TRIM71: variants seen among roughly 807,000 people sequenced by gnomAD.
TRIM71 encodes tripartite motif containing 71.
In TRIM71, 9 loss-of-function variants were observed where a neutral mutation model predicts 61.2. The ratio of observed to expected loss-of-function variants is 0.15; its 90% CI spans 0.09 to 0.26. TRIM71 has a LOEUF of 0.26. Ranked by LOEUF, TRIM71 falls within the 10% of genes least tolerant of loss-of-function variation. The probability of loss-of-function intolerance (pLI) is 1.00; values close to 1 mark genes in which losing one functional copy is unlikely to be tolerated. For missense variants in TRIM71, 998 were observed against 1,238.7 expected, an observed-to-expected ratio of 0.81 and a Z score of 2.92; for synonymous variants, 645 against 553.2, an observed-to-expected ratio of 1.17 and a Z score of -2.33.
At chr3:32,871,228 G>A (rs1240238416) in intron 1 of TRIM71, among the ~76,000 whole-genome samples, 1 of 152,128 alleles carries the variant, frequency 6.6e-6, no homozygotes, top group African/African-American at 2.4e-5. Context: ...TTGGACAGAT[G>A]GTTCCATAGC....
At chr3:32,841,591 G>C (rs2030274) in intron 1 of TRIM71, among the ~76,000 whole-genome samples, 144,323 of 152,170 alleles carry the variant, frequency 0.95, 68,637 homozygotes, top group Non-Finnish European at 0.99. Context: ...GCACTCCAGC[G>C]TGGGCCACGA....
chr3:32,873,680 G>C, intron 1 of TRIM71, 138 bp from the exon 2 acceptor site: 5 of 724,314 alleles, frequency 6.9e-6, no homozygotes, highest in Non-Finnish European at 1.1e-5. Flanking sequence ...CGCCACTGCT[G>C]CCTCTCCCTT....
At chr3:32,845,252 G>C (rs79481606) in intron 1 of TRIM71, among the ~76,000 whole-genome samples, 1 of 152,330 alleles carries the variant, frequency 6.6e-6, no homozygotes, top group East Asian at 1.9e-4. Flanking sequence ...GACCATGCCA[G>C]GGCTTCCATT....
intron 3 of TRIM71, among the ~76,000 whole-genome samples, chr3:32,886,850 G>A (rs1049699848): frequency 3.9e-5 from 6 of 152,164 alleles, no homozygotes; most frequent in Non-Finnish European, 7.3e-5. Flanking sequence ...GTTCTGCAAG[G>A]TGTCCCTGGA....
At chr3:32,840,987 C>T (rs1292237511) in intron 1 of TRIM71, among the ~76,000 whole-genome samples, 2 of 152,176 alleles carry the variant, frequency 1.3e-5, no homozygotes, top group Non-Finnish European at 2.9e-5. Flanking sequence ...TGGCTCACGC[C>T]TGTAATCCCA....
At chr3:32,881,149 G>T (rs2125690891) in intron 2 of TRIM71, among the ~76,000 whole-genome samples, 1 of 152,142 alleles carries the variant, frequency 6.6e-6, no homozygotes, top group South Asian at 2.1e-4. Flanking sequence ...CTCCTGAGTA[G>T]TTGGGATTAC....
chr3:32,833,528 C>T (rs565951493), intron 1 of TRIM71, among the ~76,000 whole-genome samples: 6 of 152,036 alleles, frequency 3.9e-5, no homozygotes, highest in Admixed American at 2.6e-4. Flanking sequence ...TTGGAACCCC[C>T]GGCTATCTCC....
intron 1 of TRIM71, among the ~76,000 whole-genome samples, chr3:32,865,074 A>G (rs1206065443): frequency 6.6e-6 from 1 of 152,108 alleles, no homozygotes; most frequent in Non-Finnish European, 1.5e-5. Context: ...TCACGCCTGT[A>G]ATTCCAGCAC....
At chr3:32,889,439 A>G (rs1049167310) in intron 3 of TRIM71, among the ~76,000 whole-genome samples, 4 of 152,038 alleles carry the variant, frequency 2.6e-5, no homozygotes, top group Non-Finnish European at 4.4e-5. Flanking sequence ...CACTGTGCCC[A>G]GCTCTAGATG....
chr3:32,864,302 T>C (rs993763663), intron 1 of TRIM71, among the ~76,000 whole-genome samples: 31 of 152,192 alleles, frequency 2.0e-4, no homozygotes, highest in African/African-American at 7.2e-4. Flanking sequence ...GAGTATTGTG[T>C]AGTGTAACTT....
chr3:32,865,458 G>T (rs1472378244), intron 1 of TRIM71, among the ~76,000 whole-genome samples: 1 of 152,206 alleles, frequency 6.6e-6, no homozygotes, highest in African/African-American at 2.4e-5. Context: ...TGATGGCTGT[G>T]TGGGTTGGGC....
At chr3:32,840,836 G>A (rs1343532567) in intron 1 of TRIM71, among the ~76,000 whole-genome samples, 1 of 152,220 alleles carries the variant, frequency 6.6e-6, no homozygotes, top group Non-Finnish European at 1.5e-5. Context: ...AGCTGGGGGT[G>A]CAAGGGGGCA....
At chr3:32,862,340 T>G (rs774543672) in intron 1 of TRIM71, among the ~76,000 whole-genome samples, 16 of 152,202 alleles carry the variant, frequency 1.1e-4, no homozygotes, top group Non-Finnish European at 1.8e-4. Context: ...TATTTCTGCT[T>G]CTCTTCTCAG....
intron 2 of TRIM71, among the ~76,000 whole-genome samples, chr3:32,880,276 G>A (rs28693765): frequency 0.037 from 5,605 of 151,932 alleles, 166 homozygotes; most frequent in African/African-American, 0.074. Context: ...TGATCTATCC[G>A]CTTCCACCTC....
intron 1 of TRIM71, among the ~76,000 whole-genome samples, chr3:32,844,304 G>T (rs1696445909): frequency 6.6e-6 from 1 of 152,166 alleles, no homozygotes; most frequent in African/African-American, 2.4e-5. Flanking sequence ...GTTGCCCTAG[G>T]AGGAAGAGGG....
At chr3:32,866,933 A>G (rs1185234989) in intron 1 of TRIM71, among the ~76,000 whole-genome samples, 1 of 152,158 alleles carries the variant, frequency 6.6e-6, no homozygotes, top group Non-Finnish European at 1.5e-5. Context: ...TTTTGGAGTC[A>G]CATAAAAACT....
At chr3:32,836,893 A>T (rs1442938823) in intron 1 of TRIM71, among the ~76,000 whole-genome samples, 1 of 152,212 alleles carries the variant, frequency 6.6e-6, no homozygotes, top group Non-Finnish European at 1.5e-5. Context: ...CACAGCAGAC[A>T]AGTGATGATG....
chr3:32,877,930 G>A (rs1696867645), intron 2 of TRIM71, among the ~76,000 whole-genome samples: 1 of 152,022 alleles, frequency 6.6e-6, no homozygotes, highest in Non-Finnish European at 1.5e-5. Context: ...TATGAATCAC[G>A]AATGCTCTTT....
intron 1 of TRIM71, 123 bp downstream of exon 1, chr3:32,819,055 T>C (rs971271261): frequency 1.9e-6 from 2 of 1,060,868 alleles, no homozygotes; most frequent in Admixed American, 2.2e-5. Flanking sequence ...GTATTTCCTT[T>C]GGCTACGTGG....
Sources: gnomAD v4.1 joint callset for allele counts (sites outside exome capture counted in the v4.1 genomes callset) on GRCh38, gnomAD v4.1.1 for gene constraint, MANE v1.5 for transcripts, NCBI Gene and HGNC (gene_info 2026-07-23, HGNC 2026-07-21) for gene names.